RSF1: variants seen among roughly 807,000 people sequenced by gnomAD.
The protein encoded by RSF1 is remodeling and spacing factor 1, also known as HBV pX-associated protein 8.
A neutral mutation model predicts 145.2 loss-of-function variants in RSF1; 13 were observed. The observed-to-expected ratio is 0.09, with a 90% CI of 0.06 to 0.14. The LOEUF is 0.14. Among genes scored for constraint, RSF1 ranks in the 10% least tolerant of loss-of-function variants. RSF1 has a pLI of 1.00. For synonymous variants in RSF1, 577 were observed against 592.6 expected (o/e 0.97, Z 0.38); for missense variants, 1,517 against 1,718.2 (o/e 0.88, Z 2.07).
rs755354750 is a variant in RSF1 at position 77,700,680 on chromosome 11, T to G, written c.2508+41A>C. The G allele has an allele frequency of 2.8e-6, 4 of 1,428,308 alleles. No homozygotes were observed. In the African/African-American group the frequency reaches 5.8e-5, roughly 21 times the overall value. The allele number at this position is 1,428,308 out of a possible 1,614,324, so 88.5% of individuals were successfully genotyped here. ...CAAAACCAAAAAACCTATTAATATA[T>G]AGAGACAAATATTTTTAATTAAAGT... On this transcript the variant is annotated intron_variant, in intron 6 of 15. Coordinates refer to ENST00000308488, the MANE Select transcript of RSF1 (RefSeq NM_016578.4).
intron 9 of RSF1, among the ~76,000 whole-genome samples, chr11:77,686,408 C>CAAAAAAAATAAAAAAAAAAA: frequency 2.7e-5 from 1 of 37,132 alleles, no homozygotes; most frequent in Non-Finnish European, 4.7e-5. Flanking sequence ...GACCCTGTCT[C>CAAAAAAAATAAAAAAAAAAA]AAAAAAAAAA....
chr11:77,711,691 CAAACTT>C (rs1003329961), intron 5 of RSF1, among the ~76,000 whole-genome samples: 9 of 151,972 alleles, frequency 5.9e-5, no homozygotes, highest in Non-Finnish European at 8.8e-5. Context: ...AACAAACAAA[CAAACTT>C]AAAGTGCACT....
chr11:77,764,777 C>T (rs1240312568), intron 1 of RSF1, 88 bp from the exon 2 acceptor site: 1 of 819,490 alleles, frequency 1.2e-6, no homozygotes, highest in Non-Finnish European at 1.9e-6. Flanking sequence ...CTTCTCCAAC[C>T]CTGGATACCT....
chr11:77,772,485 C>T (rs539957643), intron 1 of RSF1, among the ~76,000 whole-genome samples: 2 of 152,082 alleles, frequency 1.3e-5, no homozygotes, highest in South Asian at 2.1e-4. Flanking sequence ...GTTTCTCATA[C>T]TTTTCATCAT....
At chr11:77,797,577 A>G (rs1197628929) in intron 1 of RSF1, among the ~76,000 whole-genome samples, 1 of 152,226 alleles carries the variant, frequency 6.6e-6, no homozygotes, top group Non-Finnish European at 1.5e-5. Flanking sequence ...AAATCTGGCC[A>G]ATACCATCCA....
At chr11:77,687,271 C>A (rs1409043938) in intron 9 of RSF1, among the ~76,000 whole-genome samples, 1 of 152,140 alleles carries the variant, frequency 6.6e-6, no homozygotes, top group Non-Finnish European at 1.5e-5. Context: ...CAACAACAAT[C>A]CATTAACTGG....
intron 1 of RSF1, among the ~76,000 whole-genome samples, chr11:77,781,803 T>C (rs945640235): frequency 2.0e-5 from 3 of 152,232 alleles, no homozygotes; most frequent in African/African-American, 7.2e-5. Flanking sequence ...AACTGCATTG[T>C]ATATGTTTTT....
intron 1 of RSF1, among the ~76,000 whole-genome samples, chr11:77,799,295 A>G (rs1948604443): frequency 6.6e-6 from 1 of 152,062 alleles, no homozygotes. Flanking sequence ...GGATCACTGG[A>G]GCCCAGGAAT....
At chr11:77,802,529 C>G (rs1191458822) in intron 1 of RSF1, among the ~76,000 whole-genome samples, 1 of 152,084 alleles carries the variant, frequency 6.6e-6, no homozygotes, top group Non-Finnish European at 1.5e-5. Context: ...TACTTTAATA[C>G]TGAAACCATT....
intron 11 of RSF1, among the ~76,000 whole-genome samples, chr11:77,681,859 A>G (rs1959870718): frequency 6.6e-6 from 1 of 152,246 alleles, no homozygotes; most frequent in African/African-American, 2.4e-5. Context: ...ATAAAACGCC[A>G]TAGTTAATGC....
In RSF1 at chr11:77,699,061, T is replaced by C. The variant is rs187004165; in HGVS notation, c.2509-368A>G. On this transcript the variant is annotated intron_variant, in intron 6 of 15. Transcript: ENST00000308488. Reference sequence around the variant, plus strand: ...TTTCACTTTCGTCAACAATGTACTGTATCTTTACAAATATTTTTACACACA... The same window carrying C: ...TTTCACTTTCGTCAACAATGTACTGCATCTTTACAAATATTTTTACACACA... Among the ~76,000 whole-genome samples the C allele has an allele frequency of 4.1e-3, 623 of 152,314 alleles. 5 individuals are homozygous for C. Among genetic ancestry groups the C allele is most frequent in the South Asian group, 9.9e-3 (48 of 4,826 alleles).
At chr11:77,789,369 G>A (rs1158392074) in intron 1 of RSF1, among the ~76,000 whole-genome samples, 1 of 152,202 alleles carries the variant, frequency 6.6e-6, no homozygotes, top group Non-Finnish European at 1.5e-5. Context: ...TGCCATTTTA[G>A]AGTCCTGTCC....
chr11:77,842,150 TTTATA>T, the RSF1 span, among the ~76,000 whole-genome samples: 37 of 152,300 alleles, frequency 2.4e-4, no homozygotes, highest in African/African-American at 7.9e-4. Flanking sequence ...TTTTTCTAGC[TTTATA>T]GTTTCTTCTT....
chr11:77,708,338 A>G (rs1960602282), intron 5 of RSF1, among the ~76,000 whole-genome samples: 1 of 152,110 alleles, frequency 6.6e-6, no homozygotes, highest in Admixed American at 6.5e-5. Context: ...CTGAGGTGGG[A>G]GGCTCGCCTG....
intron 4 of RSF1, chr11:77,734,363 A>T (rs1437817101): frequency 1.4e-6 from 1 of 724,112 alleles, no homozygotes; most frequent in African/African-American, 1.7e-5. Context: ...CAAAGAACTT[A>T]GGTGGATGTT....
At chr11:77,734,866 T>G (rs1228866582) in intron 4 of RSF1, 1 of 1,583,496 alleles carries the variant, frequency 6.3e-7, no homozygotes, top group African/African-American at 1.3e-5. Context: ...AAGAAAGTAT[T>G]TGGCAAAGTT....
the RSF1 span, among the ~76,000 whole-genome samples, chr11:77,843,753 AT>A: frequency 6.6e-6 from 1 of 152,132 alleles, no homozygotes; most frequent in East Asian, 1.9e-4. Flanking sequence ...ATTCATTTTC[AT>A]TAGTTCATTT....
At position 77,737,979 on chromosome 11, in the gene RSF1, A is replaced by AG. The variant is rs1411169555; in HGVS notation, c.578+2751_578+2752insC. Among the ~76,000 whole-genome samples the AG allele has an allele frequency of 2.6e-5, 4 of 152,118 alleles. No individual in the cohort carries two copies. The East Asian group carries it at 5.8e-4, about 22-fold the overall frequency. On this transcript the variant is annotated intron_variant, in intron 4 of 15. Coordinates refer to ENST00000308488, the MANE Select transcript of RSF1 (RefSeq NM_016578.4). ...CCCATCTCTACTAAAACTACAAAAA[A>AG]TTAGCCAGGTATGGTGGCGGGTGCC...
the RSF1 span, among the ~76,000 whole-genome samples, chr11:77,845,300 C>T: frequency 6.6e-6 from 1 of 151,872 alleles, no homozygotes; most frequent in Non-Finnish European, 1.5e-5. Context: ...TTTTTCTTTC[C>T]TTTGTCTCAG....
Sources: allele counts gnomAD v4.1 joint callset (sites outside exome capture counted in the v4.1 genomes callset), GRCh38; gene constraint gnomAD v4.1.1; transcripts MANE v1.5; gene names NCBI Gene and HGNC (gene_info 2026-07-23, HGNC 2026-07-21).